Variants in CTNND2 observed in about 807,000 individuals in gnomAD.
CTNND2 encodes the protein catenin delta 2, also known as catenin delta-2.
CTNND2 carries 22 observed loss-of-function variants against 144.4 expected under a neutral mutation model. The ratio of observed to expected loss-of-function variants is 0.15; its 90% confidence interval spans 0.11 to 0.22. CTNND2 has a LOEUF of 0.22. CTNND2 is among the 10% of genes least tolerant of loss of function. The pLI, the probability that CTNND2 is intolerant of heterozygous loss-of-function variation, is 1.00. For synonymous variants in CTNND2, 751 were observed against 695.6 expected (o/e 1.08, Z -1.25); for missense variants, 1,353 against 1,618.8 (o/e 0.84, Z 2.82).
intron 2 of CTNND2, among the ~76,000 whole-genome samples, chr5:11,570,307 G>T (rs1777459181): frequency 6.6e-6 from 1 of 152,098 alleles, no homozygotes; most frequent in Non-Finnish European, 1.5e-5. Flanking sequence ...GATTTCCTTT[G>T]TCCCTCTCTT....
intron 9 of CTNND2, among the ~76,000 whole-genome samples, chr5:11,268,062 A>G (rs138930820): frequency 3.9e-5 from 6 of 152,382 alleles, no homozygotes; most frequent in South Asian, 4.1e-4. Context: ...TGATTCTACC[A>G]ATGGTTGAAG....
chr5:10,985,655 C>T (rs755510399), intron 20 of CTNND2, among the ~76,000 whole-genome samples: 2 of 152,182 alleles, frequency 1.3e-5, no homozygotes, highest in East Asian at 1.9e-4. Flanking sequence ...TTCAGGTTAT[C>T]TTTCAATGCA....
chr5:11,783,781 T>C (rs1480167588), intron 1 of CTNND2, among the ~76,000 whole-genome samples: 2 of 152,166 alleles, frequency 1.3e-5, no homozygotes, highest in African/African-American at 4.8e-5. Flanking sequence ...GTGTAATGGT[T>C]TTTAGATATA....
At chr5:11,879,363 A>ATATATATATG (rs1735848751) in intron 1 of CTNND2, among the ~76,000 whole-genome samples, 1 of 138,480 alleles carries the variant, frequency 7.2e-6, no homozygotes, top group African/African-American at 2.6e-5. Context: ...ATATACATAT[A>ATATATATATG]CACACACACA....
In CTNND2 at chr5:11,299,244, C is replaced by T. The variant is rs180789751; in HGVS notation, c.1628+47128G>A. Among the ~76,000 whole-genome samples, 25 of 152,204 alleles carry T rather than the reference C, an allele frequency of 1.6e-4. 1 individual carries two copies. The highest frequency in any genetic ancestry group is 8.5e-4 in the Admixed American group (13 of 15,282). ...ACGGTTTGGTCTAAATTTACCACTT[C>T]GATGTCCCACTTGTGGAGGTTTAGC... On this transcript the variant is annotated intron_variant, in intron 9 of 21. Coordinates refer to ENST00000304623, the MANE Select transcript of CTNND2 (RefSeq NM_001332.4).
intron 9 of CTNND2, among the ~76,000 whole-genome samples, chr5:11,290,047 C>T (rs115373367): frequency 5.3e-5 from 8 of 152,292 alleles, no homozygotes; most frequent in African/African-American, 1.7e-4. Flanking sequence ...TAGAGCAACA[C>T]ATTTTCCGGA....
intron 3 of CTNND2, among the ~76,000 whole-genome samples, chr5:11,470,210 C>T (rs1243917557): frequency 6.6e-6 from 1 of 152,024 alleles, no homozygotes; most frequent in Non-Finnish European, 1.5e-5. Context: ...CCGAGACAGG[C>T]GGATCACCTG....
At chr5:11,401,236 T>A (rs1023269160) in intron 5 of CTNND2, among the ~76,000 whole-genome samples, 1 of 152,244 alleles carries the variant, frequency 6.6e-6, no homozygotes, top group Admixed American at 6.5e-5. Context: ...TCTGATCAGA[T>A]TAACTGAGTA....
At chr5:11,479,968 C>T (rs1160582687) in intron 3 of CTNND2, among the ~76,000 whole-genome samples, 1 of 152,132 alleles carries the variant, frequency 6.6e-6, no homozygotes, top group Non-Finnish European at 1.5e-5. Context: ...TATCTCTTTA[C>T]TCTGCTGATA....
intron 12 of CTNND2, among the ~76,000 whole-genome samples, chr5:11,139,176 G>T (rs1409071698): frequency 1.3e-5 from 2 of 152,056 alleles, no homozygotes; most frequent in Non-Finnish European, 2.9e-5. Flanking sequence ...GCCCAGGCTG[G>T]TCTCAAACTC....
chr5:11,444,270 G>A (rs1349070292), intron 3 of CTNND2, among the ~76,000 whole-genome samples: 4 of 152,158 alleles, frequency 2.6e-5, no homozygotes, highest in South Asian at 2.1e-4. Context: ...AATACACAAA[G>A]CATTTTCTCT....
intron 7 of CTNND2, among the ~76,000 whole-genome samples, chr5:11,383,947 C>G (rs1401800858): frequency 6.6e-6 from 1 of 152,182 alleles, no homozygotes; most frequent in African/African-American, 2.4e-5. Context: ...CTCCTCTAAA[C>G]TGGGAGAGGA....
At chr5:11,180,643 G>C (rs1489797575) in intron 11 of CTNND2, among the ~76,000 whole-genome samples, 1 of 152,136 alleles carries the variant, frequency 6.6e-6, no homozygotes, top group Non-Finnish European at 1.5e-5. Context: ...GAGTGAAGAA[G>C]GACCTCACTT....
chr5:11,199,998 G>A (rs2149828541), intron 10 of CTNND2, among the ~76,000 whole-genome samples: 1 of 152,302 alleles, frequency 6.6e-6, no homozygotes, highest in South Asian at 2.1e-4. Context: ...AAAGGCATTA[G>A]AGTGATCCTC....
chr5:11,812,011 A>C lies in CTNND2; in HGVS notation c.38-79739T>G, dbSNP rs146550824. On this transcript the variant is annotated intron_variant, in intron 1 of 21. Transcript: ENST00000304623. ...AAAAAAAGCATACTGCCACTGTAAC[A>C]TAATAAAAACATGGTAATGTAGCCA... Among the ~76,000 whole-genome samples the C allele has an allele frequency of 9.8e-5, 15 of 152,370 alleles. No homozygotes were observed. The East Asian group carries it at 2.7e-3, about 27-fold the overall frequency.
rs2619825 is a variant in CTNND2 at position 11,524,783 on chromosome 5, C to T, written c.287+40161G>A. On this transcript the variant is annotated intron_variant, in intron 3 of 21. Coordinates refer to ENST00000304623, the MANE Select transcript of CTNND2 (RefSeq NM_001332.4). ...TGATAATATACACTAGAGCTTGTAA[C>T]GTACATTCAACTGTATACGCATCAT... Among the ~76,000 whole-genome samples, 1,278 of 152,218 alleles carry T rather than the reference C, an allele frequency of 8.4e-3. 13 individuals are homozygous for T. Among genetic ancestry groups the T allele is most frequent in the African/African-American group, 0.024 (995 of 41,528 alleles).
At chr5:11,368,760 C>T (rs1757199362) in intron 7 of CTNND2, among the ~76,000 whole-genome samples, 1 of 152,132 alleles carries the variant, frequency 6.6e-6, no homozygotes, top group Admixed American at 6.5e-5. Context: ...GAATTCTGTC[C>T]CAGATCTGTC....
At chr5:11,622,834 CTAA>C (rs1780921296) in intron 2 of CTNND2, among the ~76,000 whole-genome samples, 1 of 152,150 alleles carries the variant, frequency 6.6e-6, no homozygotes, top group Non-Finnish European at 1.5e-5. Flanking sequence ...GCAAGTAAAA[CTAA>C]TATCATTCAC....
At chr5:11,519,191 T>C (rs749189471) in intron 3 of CTNND2, among the ~76,000 whole-genome samples, 4 of 152,228 alleles carry the variant, frequency 2.6e-5, no homozygotes, top group Non-Finnish European at 5.9e-5. Flanking sequence ...CCTAATTTTG[T>C]AGACTATACA....
Sources: gnomAD v4.1 joint callset for allele counts (sites outside exome capture counted in the v4.1 genomes callset) on GRCh38, gnomAD v4.1.1 for gene constraint, MANE v1.5 for transcripts, NCBI Gene and HGNC (gene_info 2026-07-23, HGNC 2026-07-21) for gene names.